Variants in ARNT2 observed in about 807,000 individuals in gnomAD.
ARNT2 encodes ARNT protein 2.
Under a neutral mutation model 91.7 loss-of-function variants are expected in ARNT2, and 36 were observed. That is an observed-to-expected ratio of 0.39 (90% CI 0.30 to 0.52). The LOEUF is 0.52. ARNT2 is among the 20% of genes least tolerant of loss of function. The pLI, the probability that ARNT2 is intolerant of heterozygous loss-of-function variation, is 0.72. For missense variants in ARNT2, 775 were observed against 939.3 expected, an observed-to-expected ratio of 0.83 and a Z score of 2.29; for synonymous variants, 365 against 347.1, an observed-to-expected ratio of 1.05 and a Z score of -0.57.
chr15:80,498,855 C>G (rs1039959091), intron 5 of ARNT2, among the ~76,000 whole-genome samples: 1 of 152,220 alleles, frequency 6.6e-6, no homozygotes, highest in Non-Finnish European at 1.5e-5. Context: ...TGCTTCTGTT[C>G]GGTGGGTGCC....
Position 80,552,892 on chromosome 15 carries a change from A to G in ARNT2, c.1089+118A>G, listed in dbSNP as rs1596009617. The stretch of plus-strand genomic sequence containing the variant: ...ATGTGGAGAAACATCATAAAGACCC[A>G]TATACCCTGCCTAGATAGAACGATA... On this transcript the variant is annotated intron_variant, in intron 10 of 18. Transcript: ENST00000303329. The G allele has an allele frequency of 6.1e-6, 8 of 1,302,122 alleles. 1 individual carries two copies. The South Asian group carries it at 1.1e-4, about 19-fold the overall frequency. 80.7% of individuals were successfully genotyped at this position (1,302,122 alleles called of 1,614,324 possible).
intron 8 of ARNT2, among the ~76,000 whole-genome samples, chr15:80,538,427 A>G (rs1339561815): frequency 6.6e-6 from 1 of 152,180 alleles, no homozygotes; most frequent in Non-Finnish European, 1.5e-5. Flanking sequence ...CAATAAATCT[A>G]AAAATTCATA....
Position 80,575,128 on chromosome 15 carries a change from A to T in ARNT2, c.1513+18A>T. 6.2e-7 allele frequency: 1 copy of T among 1,612,746 alleles called. No individual in the cohort carries two copies. The highest frequency in any genetic ancestry group is 8.5e-7 in the Non-Finnish European group (1 of 1,178,882). On this transcript the variant is annotated intron_variant, in intron 14 of 18. Coordinates refer to ENST00000303329, the MANE Select transcript of ARNT2 (RefSeq NM_014862.4). The stretch of plus-strand genomic sequence containing the variant: ...TAGTGCATGTAAGTTTCCAAATGGT[A>T]CTGAGGTTTTGAGAGTGTGGGTTTA...
intron 1 of ARNT2, chr15:80,434,662 C>G (rs1484559271): frequency 6.6e-6 from 1 of 152,582 alleles, no homozygotes; most frequent in Non-Finnish European, 1.5e-5. Flanking sequence ...AGTGAGAGAT[C>G]AAGAGAAAAT....
At chr15:80,531,809 C>T (rs552276092) in intron 8 of ARNT2, among the ~76,000 whole-genome samples, 5 of 152,296 alleles carry the variant, frequency 3.3e-5, no homozygotes, top group South Asian at 2.1e-4. Flanking sequence ...ATGATCAGTC[C>T]AGCCTGCCAC....
At chr15:80,406,437 T>C (rs1895602043) in intron 1 of ARNT2, among the ~76,000 whole-genome samples, 1 of 152,222 alleles carries the variant, frequency 6.6e-6, no homozygotes, top group Non-Finnish European at 1.5e-5. Context: ...GTTATGAAAT[T>C]AGAAAAAGCA....
Position 80,513,963 on chromosome 15 carries a change from A to G in ARNT2, c.778A>G (p.Arg260Gly). 6.2e-7 allele frequency: 1 copy of G among 1,613,364 alleles called. No individual in the cohort carries two copies. The highest frequency in any genetic ancestry group is 8.5e-7 in the Non-Finnish European group (1 of 1,179,348). Residue 260 changes from arginine to glycine, a missense_variant, in exon 7 of 19, where the codon AGG becomes GGG. By Grantham distance (125) the Arg-to-Gly change is moderately radical. Transcript: ENST00000303329. ...TCCTCTAAACAGAATAACCACCATG[A>G]GGAAAAGGTTCAGGTCAGTATCTCT... ...HLPLNRITTM[R>G]KRFRNGLGPV...
intron 17 of ARNT2, among the ~76,000 whole-genome samples, chr15:80,581,972 A>G (rs2141481768): frequency 6.6e-6 from 1 of 152,320 alleles, no homozygotes; most frequent in Middle Eastern, 3.4e-3. Flanking sequence ...GTTCCACTCC[A>G]CGTCAGGACA....
chr15:80,533,350 G>C (rs1364581398), intron 8 of ARNT2, among the ~76,000 whole-genome samples: 3 of 152,188 alleles, frequency 2.0e-5, no homozygotes, highest in Non-Finnish European at 4.4e-5. Flanking sequence ...AGCAGGATAA[G>C]GACGCAGGGG....
intron 5 of ARNT2, among the ~76,000 whole-genome samples, chr15:80,495,302 C>G (rs1265242964): frequency 6.6e-6 from 1 of 152,216 alleles, no homozygotes; most frequent in Non-Finnish European, 1.5e-5. Flanking sequence ...GCTGCCAACT[C>G]TTCATTCTTC....
chr15:80,456,288 T>G (rs890437153), intron 2 of ARNT2, among the ~76,000 whole-genome samples: 1 of 144,254 alleles, frequency 6.9e-6, no homozygotes, highest in African/African-American at 2.5e-5. Context: ...TTTTTTTTTT[T>G]CTTATCACTG....
intron 4 of ARNT2, among the ~76,000 whole-genome samples, chr15:80,473,733 C>T (rs891705574): frequency 3.3e-5 from 5 of 152,188 alleles, no homozygotes; most frequent in Non-Finnish European, 5.9e-5. Flanking sequence ...GGCTTAGACA[C>T]ATTTACAAAG....
chr15:80,580,375 G>A (rs1898770261), intron 15 of ARNT2, 36 bp from the exon 16 acceptor site: 1 of 1,612,812 alleles, frequency 6.2e-7, no homozygotes, highest in Non-Finnish European at 8.5e-7. Flanking sequence ...CAAACCAGGT[G>A]TGTCCTCGGG....
intron 17 of ARNT2, among the ~76,000 whole-genome samples, chr15:80,585,254 A>AAACT (rs1335147794): frequency 2.6e-5 from 4 of 152,228 alleles, no homozygotes; most frequent in Admixed American, 6.5e-5. Context: ...ATCCACTAGG[A>AAACT]AACTACACAG....
chr15:80,506,157 C>T (rs992744755), intron 5 of ARNT2, among the ~76,000 whole-genome samples: 1 of 151,840 alleles, frequency 6.6e-6, no homozygotes, highest in Non-Finnish European at 1.5e-5. Context: ...AGGATGGTCT[C>T]GATCTCCTGA....
chr15:80,581,296 C>T lies in ARNT2; in HGVS notation c.1810C>T (p.His604Tyr), dbSNP rs778919404. 6.2e-7 allele frequency: 1 copy of T among 1,614,180 alleles called. No individual in the cohort carries two copies. The highest frequency in any genetic ancestry group is 2.2e-5 in the East Asian group (1 of 44,878). The change falls in exon 17 of 19, where the codon CAC (histidine) becomes TAC (tyrosine). Residue 604 changes from histidine to tyrosine, a missense_variant. This residue lies in a region of ARNT2 where 325 missense variants were observed against 359.9 expected (regional missense o/e 0.90). Coordinates refer to ENST00000303329, the MANE Select transcript of ARNT2 (RefSeq NM_014862.4). ...ATCTCCCTTTGGGATTGGAACGAGCCACACCTACCCGGCAGACCCCTCTTC... is the reference window on the plus strand; with the variant it reads ...ATCTCCCTTTGGGATTGGAACGAGCTACACCTACCCGGCAGACCCCTCTTC... ...QSSPFGIGTS[H>Y]TYPADPSSYS...
intron 11 of ARNT2, chr15:80,562,885 G>T: frequency 1.5e-6 from 1 of 664,452 alleles, no homozygotes. Flanking sequence ...TGACCCAGAT[G>T]CAGCACCCCA....
intron 1 of ARNT2, among the ~76,000 whole-genome samples, chr15:80,429,950 T>C (rs1895986014): frequency 6.6e-6 from 1 of 152,164 alleles, no homozygotes; most frequent in African/African-American, 2.4e-5. Flanking sequence ...TCCTCCATTC[T>C]TCTCTCCTTT....
chr15:80,435,120 T>C (rs1298422679), intron 1 of ARNT2, among the ~76,000 whole-genome samples: 1 of 152,084 alleles, frequency 6.6e-6, no homozygotes, highest in African/African-American at 2.4e-5. Context: ...TCCCTTAGTG[T>C]CTGCAGATAC....
Sources: gnomAD v4.1 joint callset for allele counts (sites outside exome capture counted in the v4.1 genomes callset) on GRCh38, gnomAD v4.1.1 for gene constraint, gnomAD v4.1.1 regional missense constraint, MANE v1.5 for transcripts, NCBI Gene and HGNC (gene_info 2026-07-23, HGNC 2026-07-21) for gene names.